The following SANBR variants were observed in gnomAD, a reference collection of about 807,000 sequenced individuals.
SANBR encodes SANT and BTB domain regulator of CSR.
A neutral mutation model predicts 101.8 loss-of-function variants in SANBR; 77 were observed. That is an observed-to-expected ratio of 0.76 (90% CI 0.63 to 0.91). SANBR has a LOEUF of 0.91. SANBR is among the 40% of genes least tolerant of loss of function. The pLI is 0.00. For missense variants in SANBR, 875 were observed against 853.0 expected (o/e 1.03, Z -0.32); for synonymous variants, 279 against 274.7 (o/e 1.02, Z -0.15).
intron 20 of SANBR, among the ~76,000 whole-genome samples, chr2:61,133,708 T>C (rs914849936): frequency 7.9e-5 from 12 of 152,254 alleles, no homozygotes. Flanking sequence ...TATGATTCCA[T>C]TTTTATAAAA....
intron 4 of SANBR, among the ~76,000 whole-genome samples, chr2:61,072,673 T>C (rs1255265631): frequency 1.3e-5 from 2 of 152,076 alleles, no homozygotes; most frequent in Non-Finnish European, 2.9e-5. Flanking sequence ...TATCAAAATG[T>C]TCTACTCTAA....
chr2:61,109,955 G>A (rs1683751631), intron 16 of SANBR, among the ~76,000 whole-genome samples: 1 of 151,992 alleles, frequency 6.6e-6, no homozygotes, highest in African/African-American at 2.4e-5. Flanking sequence ...GCTCGGCCGA[G>A]AGCATGGCTA....
At chr2:61,085,947 G>C (rs1276948051) in intron 8 of SANBR, among the ~76,000 whole-genome samples, 3 of 152,122 alleles carry the variant, frequency 2.0e-5, no homozygotes, top group Non-Finnish European at 4.4e-5. Context: ...TTGATAATCA[G>C]CTTACCCATT....
intron 3 of SANBR, among the ~76,000 whole-genome samples, chr2:61,071,065 A>T (rs1189855575): frequency 6.6e-6 from 1 of 152,024 alleles, no homozygotes; most frequent in African/African-American, 2.4e-5. Flanking sequence ...TATGCCTTTG[A>T]GTTAAAGCAC....
chr2:61,092,727 A>C, intron 11 of SANBR, 140 bp downstream of exon 11: 1 of 665,358 alleles, frequency 1.5e-6, no homozygotes, highest in Non-Finnish European at 2.3e-6. Context: ...GCAGCTGGGC[A>C]TGGTGGCTCG....
chr2:61,107,266 T>C (rs1195841000), intron 14 of SANBR, among the ~76,000 whole-genome samples: 1 of 152,244 alleles, frequency 6.6e-6, no homozygotes, highest in African/African-American at 2.4e-5. Context: ...ATGGATATTT[T>C]GTTTCCTTCT....
intron 6 of SANBR, among the ~76,000 whole-genome samples, chr2:61,079,059 ATAGT>A (rs1197062040): frequency 6.6e-6 from 1 of 152,144 alleles, no homozygotes; most frequent in African/African-American, 2.4e-5. Context: ...AAAAGAAAAC[ATAGT>A]TATTTTAATA....
downstream of SANBR, chr2:61,124,300 T>C (rs994175750): frequency 7.5e-6 from 7 of 937,998 alleles, no homozygotes; most frequent in African/African-American, 7.1e-5. Context: ...AAAGTCTCTT[T>C]ATCTGAATTA....
intron 21 of SANBR, chr2:61,134,300 A>G (rs773225346): frequency 9.8e-6 from 15 of 1,537,110 alleles, no homozygotes; most frequent in African/African-American, 5.5e-5. Context: ...AATGTTAGCT[A>G]TTATTAGTAG....
At chr2:61,129,979 CAG>C (rs1166218906) in intron 20 of SANBR, among the ~76,000 whole-genome samples, 1 of 151,806 alleles carries the variant, frequency 6.6e-6, no homozygotes, top group Admixed American at 6.6e-5. Flanking sequence ...CAAGAGGAAA[CAG>C]GGAATGGAGC....
At position 61,122,456 on chromosome 2, in the gene SANBR, GA is replaced by G. The variant is rs996258558; in HGVS notation, c.*299del. The G allele has an allele frequency of 3.6e-6, 4 of 1,102,178 alleles. No homozygotes were observed. The African/African-American group carries it at 6.6e-5, about 18-fold the overall frequency. 68.3% of individuals were successfully genotyped at this position (1,102,178 alleles called of 1,614,324 possible). A position where few individuals can be genotyped will look rare whatever the true frequency, so the allele number is the denominator to read the frequency against. ...TCCCAGTGTTTTCCTTTATTTATTT[GA>G]AAAAGAAAGGCCTAAACTGTCAGGT... On this transcript the variant is annotated 3_prime_UTR_variant, in exon 22 of 22. Transcript: ENST00000402291.
chr2:61,124,749 G>C (rs1684466145), downstream of SANBR, among the ~76,000 whole-genome samples: 1 of 151,360 alleles, frequency 6.6e-6, no homozygotes, highest in Non-Finnish European at 1.5e-5. Context: ...TGCTGGTAAA[G>C]ATTTATTAAA....
intron 16 of SANBR, among the ~76,000 whole-genome samples, chr2:61,115,330 G>A (rs771463012): frequency 5.0e-5 from 7 of 139,264 alleles, no homozygotes; most frequent in East Asian, 4.0e-4. Context: ...GTCACTCATC[G>A]TATATATATA....
downstream of SANBR, among the ~76,000 whole-genome samples, chr2:61,127,452 G>T (rs1236924077): frequency 6.6e-6 from 1 of 152,186 alleles, no homozygotes; most frequent in Non-Finnish European, 1.5e-5. Flanking sequence ...GTAGCTTCAA[G>T]TTCTGAGCAG....
chr2:61,071,605 G>T lies in SANBR; in HGVS notation c.151-1G>T. The stretch of plus-strand genomic sequence containing the variant: ...GTTTCTTTCATTTTATATTATGACA[G>T]TGTGCAAAAAGGTTTGATGAATTAA... On this transcript the variant is annotated splice_acceptor_variant, in intron 3 of 21. Coordinates refer to ENST00000402291, the MANE Select transcript of SANBR (RefSeq NM_001129993.3). LOFTEE classifies it high-confidence loss of function. 6.5e-7 allele frequency: 1 copy of T among 1,529,134 alleles called. No homozygotes were observed. The highest frequency in any genetic ancestry group is 8.7e-7 in the Non-Finnish European group (1 of 1,143,326). The allele number at this position is 1,529,134 out of a possible 1,614,324, so 94.7% of individuals were successfully genotyped here.
intron 3 of SANBR, among the ~76,000 whole-genome samples, chr2:61,070,894 A>G (rs1041187923): frequency 2.0e-5 from 3 of 151,496 alleles, no homozygotes; most frequent in Non-Finnish European, 2.9e-5. Flanking sequence ...CCACCTCAGC[A>G]TCTCACAGTC....
At chr2:61,107,542 G>A (rs1299014241) in intron 14 of SANBR, among the ~76,000 whole-genome samples, 1 of 152,170 alleles carries the variant, frequency 6.6e-6, no homozygotes, top group African/African-American at 2.4e-5. Context: ...TGTTGGTTAA[G>A]ATAGCTTTTA....
At chr2:61,133,266 A>C (rs1209183670) in intron 20 of SANBR, among the ~76,000 whole-genome samples, 2 of 152,118 alleles carry the variant, frequency 1.3e-5, no homozygotes, top group Admixed American at 1.3e-4. Flanking sequence ...CAAAAAAAAA[A>C]ATTCTTCAGG....
intron 8 of SANBR, among the ~76,000 whole-genome samples, chr2:61,085,953 C>T (rs767484184): frequency 3.3e-5 from 5 of 151,928 alleles, no homozygotes; most frequent in African/African-American, 7.3e-5. Context: ...ATCAGCTTAC[C>T]CATTTTCTCT....
Sources: gnomAD v4.1 joint callset for allele counts (sites outside exome capture counted in the v4.1 genomes callset) on GRCh38, gnomAD v4.1.1 for gene constraint, MANE v1.5 for transcripts, NCBI Gene and HGNC (gene_info 2026-07-23, HGNC 2026-07-21) for gene names.